DCDC1: variants seen among roughly 807,000 people sequenced by gnomAD.
DCDC1 encodes the protein doublecortin domain-containing protein 1.
In DCDC1, 200 loss-of-function variants were observed where a neutral mutation model predicts 178.3. The observed-to-expected ratio is 1.12, with a 90% CI of 1.00 to 1.26. The LOEUF (loss-of-function observed/expected upper bound fraction) is 1.26. Ranked by LOEUF, DCDC1 falls within the 50% of genes most tolerant of loss-of-function variation. The pLI, the probability that DCDC1 is intolerant of heterozygous loss-of-function variation, is 0.00. For synonymous variants in DCDC1, 690 were observed against 604.8 expected (o/e 1.14, Z -2.07); for missense variants, 1,983 against 1,749.2 (o/e 1.13, Z -2.38).
chr11:31,048,602 C>A (rs1264854499), intron 20 of DCDC1, among the ~76,000 whole-genome samples: 3 of 152,004 alleles, frequency 2.0e-5, no homozygotes, highest in African/African-American at 7.3e-5. Flanking sequence ...GCCTGTAATC[C>A]CAGCACTTGG....
intron 21 of DCDC1, among the ~76,000 whole-genome samples, chr11:30,945,749 T>G (rs913787361): frequency 7.9e-6 from 1 of 127,352 alleles, no homozygotes; most frequent in African/African-American, 5.1e-5. Flanking sequence ...TCTATCTATC[T>G]GTCTGTCTGT....
At chr11:31,196,066 A>C (rs2136389855) in intron 9 of DCDC1, among the ~76,000 whole-genome samples, 1 of 151,494 alleles carries the variant, frequency 6.6e-6, no homozygotes, top group Non-Finnish European at 1.5e-5. Context: ...TCCACCCTAG[A>C]CTCCCTCAAG....
intron 9 of DCDC1, among the ~76,000 whole-genome samples, chr11:31,152,027 G>A (rs546508731): frequency 6.6e-6 from 1 of 152,230 alleles, no homozygotes; most frequent in Admixed American, 6.5e-5. Context: ...ATTTCATGAT[G>A]TGTGTGTCTC....
In DCDC1 at chr11:31,350,854, C is replaced by T. The variant is rs576161813; in HGVS notation, c.-124-15290G>A. On this transcript the variant is annotated intron_variant, in intron 1 of 38. Coordinates refer to ENST00000684477, the MANE Select transcript of DCDC1 (RefSeq NM_001387274.1). ...ATTTAACTAAGTAATAGCAACCATA[C>T]CTTTCATTTCAAATACAAAATAGAA... Among the ~76,000 whole-genome samples the T allele has an allele frequency of 2.0e-5, 3 of 152,090 alleles. No individual in the cohort carries two copies. The South Asian group carries it at 6.2e-4, about 32-fold the overall frequency.
chr11:31,174,437 T>A (rs889410250), intron 9 of DCDC1, among the ~76,000 whole-genome samples: 3 of 152,190 alleles, frequency 2.0e-5, no homozygotes, highest in Non-Finnish European at 4.4e-5. Flanking sequence ...AGGGGGGTGC[T>A]GAGGGCAGCT....
intron 20 of DCDC1, among the ~76,000 whole-genome samples, chr11:31,010,723 T>C (rs886085902): frequency 6.6e-6 from 1 of 152,182 alleles, no homozygotes; most frequent in Non-Finnish European, 1.5e-5. Flanking sequence ...TAGTGAAAAA[T>C]GTTTTTAATG....
At position 30,864,402 on chromosome 11, in the gene DCDC1, G is replaced by A. The variant is rs778261952; in HGVS notation, c.*971C>T. Reference sequence around the variant, plus strand: ...ACATTTCTTTCATTTGCACAATTTCGAGAAGTGTTTCTTTCCTCTGAAAAG... The same window carrying A: ...ACATTTCTTTCATTTGCACAATTTCAAGAAGTGTTTCTTTCCTCTGAAAAG... On this transcript the variant is annotated 3_prime_UTR_variant, in exon 39 of 39. Coordinates refer to ENST00000684477, the MANE Select transcript of DCDC1 (RefSeq NM_001387274.1). 13 of 152,286 alleles carry A rather than the reference G, an allele frequency of 8.5e-5. No homozygotes were observed. The South Asian group carries it at 1.7e-3, about 19-fold the overall frequency. 9.4% of individuals were successfully genotyped at this position (152,286 alleles called of 1,614,324 possible). A position where few individuals can be genotyped will look rare whatever the true frequency, so the allele number is the denominator to read the frequency against.
intron 8 of DCDC1, among the ~76,000 whole-genome samples, chr11:31,242,991 C>A (rs1977358588): frequency 6.6e-6 from 1 of 151,808 alleles, no homozygotes; most frequent in South Asian, 2.1e-4. Context: ...GAAACATCTT[C>A]TTAGATGTGT....
chr11:31,160,885 A>T (rs1487635333), intron 9 of DCDC1, among the ~76,000 whole-genome samples: 10 of 152,164 alleles, frequency 6.6e-5, no homozygotes, highest in Admixed American at 6.6e-4. Flanking sequence ...ATCAACATTT[A>T]TTTCTGGCAC....
intron 15 of DCDC1, among the ~76,000 whole-genome samples, chr11:31,101,041 TAATC>T (rs945847766): frequency 6.6e-6 from 1 of 152,204 alleles, no homozygotes; most frequent in African/African-American, 2.4e-5. Flanking sequence ...CTCCTTGAAA[TAATC>T]AATATTTTCA....
rs954650936 is a variant in DCDC1 at position 31,267,276 on chromosome 11, C to T, written c.961-1676G>A. Among the ~76,000 whole-genome samples, 11 of 152,094 alleles carry T rather than the reference C, an allele frequency of 7.2e-5. No homozygotes were observed. The South Asian group carries it at 1.0e-3, about 14-fold the overall frequency. On this transcript the variant is annotated intron_variant, in intron 7 of 38. Transcript: ENST00000684477. ...TACGATCTCAGCTCACCGCAACCTC[C>T]GTCTCCCGGGTTCAAGTGATTCTCC...
At chr11:31,181,929 G>A (rs1406938343) in intron 9 of DCDC1, among the ~76,000 whole-genome samples, 1 of 152,134 alleles carries the variant, frequency 6.6e-6, no homozygotes, top group East Asian at 1.9e-4. Flanking sequence ...CACAGCATGG[G>A]AACTTTGTGA....
intron 7 of DCDC1, among the ~76,000 whole-genome samples, chr11:31,288,655 C>T (rs771374483): frequency 4.0e-5 from 6 of 151,760 alleles, no homozygotes; most frequent in African/African-American, 7.3e-5. Context: ...TTCAGTTTTA[C>T]ATTACTTAGT....
intron 9 of DCDC1, among the ~76,000 whole-genome samples, chr11:31,189,372 A>G (rs1969878792): frequency 6.6e-6 from 1 of 152,028 alleles, no homozygotes; most frequent in Non-Finnish European, 1.5e-5. Flanking sequence ...ATTGAACTAA[A>G]CACTCCAATG....
At chr11:30,902,395 G>A (rs1944750799) in intron 32 of DCDC1, among the ~76,000 whole-genome samples, 1 of 152,104 alleles carries the variant, frequency 6.6e-6, no homozygotes, top group African/African-American at 2.4e-5. Context: ...CCCGAATTGT[G>A]AGAAATAAAG....
chr11:30,970,324 G>T (rs1949707757), intron 20 of DCDC1, among the ~76,000 whole-genome samples: 1 of 152,158 alleles, frequency 6.6e-6, no homozygotes, highest in Middle Eastern at 3.2e-3. Context: ...TGAGGGCCCA[G>T]TCCCCACAAG....
At chr11:30,982,933 T>C (rs968455669) in intron 20 of DCDC1, among the ~76,000 whole-genome samples, 2 of 152,128 alleles carry the variant, frequency 1.3e-5, no homozygotes, top group African/African-American at 4.8e-5. Flanking sequence ...TTAATTTTTA[T>C]GCAAATAAGG....
chr11:31,111,169 T>C (rs1163882801), intron 11 of DCDC1, among the ~76,000 whole-genome samples: 1 of 152,176 alleles, frequency 6.6e-6, no homozygotes, highest in Non-Finnish European at 1.5e-5. Flanking sequence ...CCCTGCTTTT[T>C]ATTTTTTTTC....
At chr11:30,891,593 T>A (rs1943782349) in intron 36 of DCDC1, among the ~76,000 whole-genome samples, 1 of 152,234 alleles carries the variant, frequency 6.6e-6, no homozygotes, top group Non-Finnish European at 1.5e-5. Flanking sequence ...CTCTGATTTT[T>A]GAAAGAACCA....
Sources: gnomAD v4.1 joint callset for allele counts (sites outside exome capture counted in the v4.1 genomes callset) on GRCh38, gnomAD v4.1.1 for gene constraint, MANE v1.5 for transcripts, NCBI Gene and HGNC (gene_info 2026-07-23, HGNC 2026-07-21) for gene names.